The following CPQ variants were observed in gnomAD, a reference collection of about 807,000 sequenced individuals.
CPQ encodes carboxypeptidase Q.
CPQ carries 37 observed loss-of-function variants against 45.7 expected under a neutral mutation model. The observed-to-expected ratio is 0.81, with a 90% confidence interval of 0.62 to 1.07. CPQ has a LOEUF of 1.07. Ranked by LOEUF, CPQ falls within the 50% of genes least tolerant of loss-of-function variation. The probability of loss-of-function intolerance (pLI) is 0.00; values close to 1 mark genes in which losing one functional copy is unlikely to be tolerated. For synonymous variants in CPQ, 186 were observed against 205.8 expected, an observed-to-expected ratio of 0.90 and a Z score of 0.82; for missense variants, 537 against 572.9, an observed-to-expected ratio of 0.94 and a Z score of 0.64.
intron 3 of CPQ, among the ~76,000 whole-genome samples, chr8:96,847,893 CTTTT>C (rs3036452): frequency 3.6e-4 from 24 of 67,340 alleles, no homozygotes; most frequent in African/African-American, 6.1e-4. Flanking sequence ...ATGAAAAGAG[CTTTT>C]TTTTTTTTTT....
chr8:97,068,077 T>G (rs541271041), intron 7 of CPQ, among the ~76,000 whole-genome samples: 47 of 152,242 alleles, frequency 3.1e-4, no homozygotes, highest in Middle Eastern at 3.4e-3. Context: ...AAGACAGAAT[T>G]GGGAACAAAA....
chr8:96,884,070 A>G (rs1342642439), intron 4 of CPQ, among the ~76,000 whole-genome samples: 2 of 152,324 alleles, frequency 1.3e-5, no homozygotes, highest in Middle Eastern at 3.4e-3. Context: ...TCATCCCTGA[A>G]TGTAGTGCAA....
intron 5 of CPQ, among the ~76,000 whole-genome samples, chr8:96,975,841 C>A (rs1418578484): frequency 6.6e-6 from 1 of 151,928 alleles, no homozygotes; most frequent in African/African-American, 2.4e-5. Context: ...AAGGGACATA[C>A]CTTGAGGTAA....
intron 1 of CPQ, among the ~76,000 whole-genome samples, chr8:96,658,693 A>G (rs1037269274): frequency 6.6e-6 from 1 of 152,254 alleles, no homozygotes; most frequent in Non-Finnish European, 1.5e-5. Context: ...AGAAGAAGTC[A>G]GAGAGTTAGG....
chr8:96,942,024 G>T (rs1034363035), intron 4 of CPQ, among the ~76,000 whole-genome samples: 1 of 152,136 alleles, frequency 6.6e-6, no homozygotes, highest in Non-Finnish European at 1.5e-5. Flanking sequence ...ATATGAGCTG[G>T]AATGTTTATC....
chr8:97,021,180 T>C (rs1354436431), intron 5 of CPQ, among the ~76,000 whole-genome samples: 2 of 152,224 alleles, frequency 1.3e-5, no homozygotes, highest in African/African-American at 4.8e-5. Context: ...CTTCCCTTTA[T>C]GATTAAAACT....
Position 96,976,930 on chromosome 8 carries a change from T to C in CPQ, c.961+10884T>C, listed in dbSNP as rs570951809. ...AAAATTGGAAAAAGTCTTCTAGACA[T>C]TGGCTTAGGCAAAGACTTCATGACC... On this transcript the variant is annotated intron_variant, in intron 5 of 7. Transcript: ENST00000220763. Among the ~76,000 whole-genome samples the C allele has an allele frequency of 3.9e-5, 6 of 152,202 alleles. No individual in the cohort carries two copies. The East Asian group carries it at 9.7e-4, about 24-fold the overall frequency.
intron 5 of CPQ, among the ~76,000 whole-genome samples, chr8:97,021,929 G>A (rs757465915): frequency 2.6e-4 from 39 of 152,172 alleles, no homozygotes; most frequent in Admixed American, 5.9e-4. Flanking sequence ...TAGCTGAAGC[G>A]AGACTAAGCA....
At chr8:96,889,287 A>G (rs1273949858) in intron 4 of CPQ, among the ~76,000 whole-genome samples, 1 of 152,232 alleles carries the variant, frequency 6.6e-6, no homozygotes. Context: ...TAGAGTTTAA[A>G]CCAAGACAGT....
intron 2 of CPQ, among the ~76,000 whole-genome samples, chr8:96,809,053 C>T (rs775923585): frequency 1.1e-4 from 16 of 152,020 alleles, no homozygotes; most frequent in Non-Finnish European, 1.6e-4. Flanking sequence ...AAAATACATG[C>T]AATGGGCAGG....
At chr8:96,893,561 C>T (rs1175244937) in intron 4 of CPQ, among the ~76,000 whole-genome samples, 1 of 152,078 alleles carries the variant, frequency 6.6e-6, no homozygotes, top group African/African-American at 2.4e-5. Context: ...ATAATCCCAA[C>T]AATAGGACTG....
intron 7 of CPQ, among the ~76,000 whole-genome samples, chr8:97,106,345 G>A (rs1252553475): frequency 6.6e-6 from 1 of 152,208 alleles, no homozygotes; most frequent in Non-Finnish European, 1.5e-5. Context: ...ATCTTTGCAA[G>A]TGATAGACTG....
intron 1 of CPQ, among the ~76,000 whole-genome samples, chr8:96,759,119 A>T (rs973751132): frequency 6.6e-6 from 1 of 152,130 alleles, no homozygotes; most frequent in Non-Finnish European, 1.5e-5. Context: ...GGGAAAGAAT[A>T]TGCCACCTGT....
chr8:96,740,674 GGTT>G (rs1810074021), intron 1 of CPQ, among the ~76,000 whole-genome samples: 1 of 151,266 alleles, frequency 6.6e-6, no homozygotes, highest in South Asian at 2.1e-4. Flanking sequence ...TAGCATGAAG[GGTT>G]GTTGAATTTT....
intron 1 of CPQ, among the ~76,000 whole-genome samples, chr8:96,733,995 T>G (rs565479739): frequency 3.9e-5 from 6 of 152,316 alleles, no homozygotes; most frequent in African/African-American, 1.4e-4. Flanking sequence ...GTTCTCCAAT[T>G]CAGTAGTTGG....
intron 5 of CPQ, among the ~76,000 whole-genome samples, chr8:96,999,572 G>A (rs556619709): frequency 2.6e-5 from 4 of 151,944 alleles, no homozygotes; most frequent in African/African-American, 9.6e-5. Context: ...ACATGATCTC[G>A]TTCTTTTTTA....
chr8:96,841,421 A>C (rs2130853375), intron 3 of CPQ, among the ~76,000 whole-genome samples: 2 of 152,314 alleles, frequency 1.3e-5, no homozygotes, highest in Middle Eastern at 6.8e-3. Flanking sequence ...GCCCATGTAA[A>C]ATATAATTCA....
intron 1 of CPQ, among the ~76,000 whole-genome samples, chr8:96,719,218 C>T (rs554728109): frequency 1.3e-5 from 2 of 152,340 alleles, no homozygotes; most frequent in Admixed American, 6.5e-5. Context: ...CTGCAGGTCC[C>T]GAGCCCTGCC....
chr8:96,697,034 C>T lies in CPQ; in HGVS notation c.-35+51632C>T, dbSNP rs375524460. Among the ~76,000 whole-genome samples, 8 of 152,260 alleles carry T rather than the reference C, an allele frequency of 5.3e-5. No individual in the cohort carries two copies. In the East Asian group the frequency reaches 1.2e-3, roughly 22 times the overall value. ...GGCCTTCTATGAGACCAATATTACC[C>T]TGATACAAAAACCAAACAATGACAC... On this transcript the variant is annotated intron_variant, in intron 1 of 7. Transcript: ENST00000220763.
Sources: allele counts gnomAD v4.1 joint callset (sites outside exome capture counted in the v4.1 genomes callset), GRCh38; gene constraint gnomAD v4.1.1; transcripts MANE v1.5; gene names NCBI Gene and HGNC (gene_info 2026-07-23, HGNC 2026-07-21).